The following CTNNA2 variants were observed in gnomAD, a reference collection of about 807,000 sequenced individuals.
The protein encoded by CTNNA2 is catenin alpha 2, also known as catenin alpha-2.
Under a neutral mutation model 101.0 loss-of-function variants are expected in CTNNA2, and 42 were observed. The observed-to-expected ratio is 0.42, with a 90% CI of 0.32 to 0.54. CTNNA2 has a LOEUF of 0.54. Among genes scored for constraint, CTNNA2 ranks in the 20% least tolerant of loss-of-function variants. The probability of loss-of-function intolerance (pLI) is 0.14; values close to 1 mark genes in which losing one functional copy is unlikely to be tolerated. For missense variants in CTNNA2, 871 were observed against 1,223.1 expected (o/e 0.71, Z 4.29); for synonymous variants, 450 against 456.4 (o/e 0.99, Z 0.18).
chr2:79,427,960 A>G (rs1223087213), intron 4 of CTNNA2, among the ~76,000 whole-genome samples: 1 of 152,140 alleles, frequency 6.6e-6, no homozygotes, highest in Non-Finnish European at 1.5e-5. Context: ...ACAGTTCTAC[A>G]TCTGACATCA....
intron 1 of CTNNA2, among the ~76,000 whole-genome samples, chr2:79,555,129 A>G (rs1003614541): frequency 6.6e-6 from 1 of 152,170 alleles, no homozygotes; most frequent in African/African-American, 2.4e-5. Flanking sequence ...TGTGGGTCCT[A>G]TTTTTATGCA....
At chr2:80,092,438 T>G (rs1221092747) in intron 7 of CTNNA2, among the ~76,000 whole-genome samples, 3 of 152,104 alleles carry the variant, frequency 2.0e-5, no homozygotes, top group Non-Finnish European at 4.4e-5. Flanking sequence ...TTTCCCATGT[T>G]CTCAAGCTTT....
At chr2:79,613,742 A>G (rs1266452045) in intron 1 of CTNNA2, among the ~76,000 whole-genome samples, 1 of 152,088 alleles carries the variant, frequency 6.6e-6, no homozygotes, top group Non-Finnish European at 1.5e-5. Flanking sequence ...AAAGTCTCCA[A>G]CTCCTGATCT....
chr2:79,560,964 T>G (rs952661932), intron 1 of CTNNA2, among the ~76,000 whole-genome samples: 1 of 151,926 alleles, frequency 6.6e-6, no homozygotes, highest in Non-Finnish European at 1.5e-5. Context: ...AATTCACCCT[T>G]TTAAAGTGTA....
intron 3 of CTNNA2, among the ~76,000 whole-genome samples, chr2:79,849,204 C>T (rs1330297833): frequency 1.3e-5 from 2 of 151,876 alleles, no homozygotes; most frequent in Non-Finnish European, 2.9e-5. Flanking sequence ...ACCATGGAGC[C>T]CACTACCCTT....
intron 2 of CTNNA2, among the ~76,000 whole-genome samples, chr2:79,242,174 G>T (rs966478845): frequency 6.6e-6 from 1 of 152,030 alleles, no homozygotes; most frequent in African/African-American, 2.4e-5. Context: ...CCAAAGTGCT[G>T]GGATTATAGG....
chr2:80,384,639 A>G (rs1391284135), intron 7 of CTNNA2, among the ~76,000 whole-genome samples: 1 of 151,586 alleles, frequency 6.6e-6, no homozygotes, highest in Non-Finnish European at 1.5e-5. Context: ...GAGGAACAGT[A>G]TGAATCCTTA....
rs754066010 is a variant in CTNNA2 at position 79,855,687 on chromosome 2, A to T, written c.299-2326A>T. ...CCTACTTTTAACCATGCTAGGGCTCATACCGATTTCACCTGCAGGAACTGG... is the reference window on the plus strand; with the variant it reads ...CCTACTTTTAACCATGCTAGGGCTCTTACCGATTTCACCTGCAGGAACTGG... On this transcript the variant is annotated intron_variant, in intron 3 of 18. Transcript: ENST00000402739. Among the ~76,000 whole-genome samples the T allele has an allele frequency of 2.0e-5, 3 of 152,266 alleles. No individual in the cohort carries two copies. In the South Asian group the frequency reaches 6.2e-4, roughly 32 times the overall value.
chr2:80,499,327 A>G (rs770759253), intron 9 of CTNNA2, among the ~76,000 whole-genome samples: 2 of 152,180 alleles, frequency 1.3e-5, no homozygotes, highest in Non-Finnish European at 2.9e-5. Context: ...CAGTGAACTT[A>G]GTGGATGTAT....
intron 7 of CTNNA2, among the ~76,000 whole-genome samples, chr2:79,967,003 G>T (rs1318665607): frequency 6.6e-6 from 1 of 151,966 alleles, no homozygotes; most frequent in African/African-American, 2.4e-5. Context: ...AGCAGGTCCT[G>T]TCTATTTGTT....
Position 80,277,553 on chromosome 2 carries a change from G to GAAAAAAAAAAAAAAAAAAAAAA in CTNNA2, c.1057-115638_1057-115637insAAAAAAAAAAAAAAAAAAAAAA, listed in dbSNP as rs10650278. ...AGGAGAGACTCAGGGAAGGATTTCT[G>GAAAAAAAAAAAAAAAAAAAAAA]AAAAAAAAAAAAAAAAAAAATGGAC... On this transcript the variant is annotated intron_variant, in intron 7 of 18. Transcript: ENST00000402739. Among the ~76,000 whole-genome samples the GAAAAAAAAAAAAAAAAAAAAAA allele has an allele frequency of 4.8e-5, 4 of 83,826 alleles. 2 individuals carry two copies. Among genetic ancestry groups the GAAAAAAAAAAAAAAAAAAAAAA allele is most frequent in the African/African-American group, 9.2e-5 (2 of 21,762 alleles). The allele number at this position is 83,826 out of a possible 152,430, so 55.0% of individuals were successfully genotyped here. A position where few individuals can be genotyped will look rare whatever the true frequency, so the allele number is the denominator to read the frequency against.
intron 17 of CTNNA2, among the ~76,000 whole-genome samples, chr2:80,617,764 G>A (rs1035546762): frequency 9.2e-5 from 14 of 151,802 alleles, no homozygotes; most frequent in Non-Finnish European, 1.8e-4. Flanking sequence ...ATACACTTAT[G>A]TATTTAGTAC....
chr2:80,396,975 G>A (rs1021754505), intron 8 of CTNNA2, among the ~76,000 whole-genome samples: 2 of 152,168 alleles, frequency 1.3e-5, no homozygotes, highest in Non-Finnish European at 2.9e-5. Flanking sequence ...ATTAGGGTGA[G>A]TACTTAGAAT....
chr2:79,647,093 G>A (rs141711811), intron 1 of CTNNA2, among the ~76,000 whole-genome samples: 3 of 152,164 alleles, frequency 2.0e-5, no homozygotes, highest in East Asian at 3.9e-4. Context: ...GCAAACAGAC[G>A]GTATTAATTG....
intron 3 of CTNNA2, among the ~76,000 whole-genome samples, chr2:79,824,649 A>G (rs1327607214): frequency 1.5e-5 from 2 of 131,580 alleles, no homozygotes; most frequent in African/African-American, 5.2e-5. Context: ...CTTACACAAG[A>G]TATTTTTTAA....
intron 18 of CTNNA2, among the ~76,000 whole-genome samples, chr2:80,622,284 T>A (rs938370579): frequency 2.0e-5 from 3 of 151,780 alleles, no homozygotes; most frequent in African/African-American, 7.3e-5. Context: ...GCCACAACTA[T>A]GCAAGAGAAA....
intron 2 of CTNNA2, among the ~76,000 whole-genome samples, chr2:79,240,171 G>C (rs1474973552): frequency 6.6e-6 from 1 of 150,804 alleles, no homozygotes; most frequent in East Asian, 1.9e-4. Context: ...GCCTCCTAAA[G>C]TGCTGGGATT....
At chr2:80,285,261 T>G (rs1014149747) in intron 7 of CTNNA2, among the ~76,000 whole-genome samples, 2 of 152,174 alleles carry the variant, frequency 1.3e-5, no homozygotes, top group African/African-American at 4.8e-5. Flanking sequence ...CACTGGTATC[T>G]CTCTTATTGA....
intron 7 of CTNNA2, among the ~76,000 whole-genome samples, chr2:79,989,349 G>A (rs550353008): frequency 1.2e-4 from 18 of 152,292 alleles, no homozygotes; most frequent in Admixed American, 7.2e-4. Flanking sequence ...TAGGCTGGGC[G>A]CAGTGGCTCA....
Sources: gnomAD v4.1 joint callset for allele counts (sites outside exome capture counted in the v4.1 genomes callset) on GRCh38, gnomAD v4.1.1 for gene constraint, MANE v1.5 for transcripts, NCBI Gene and HGNC (gene_info 2026-07-23, HGNC 2026-07-21) for gene names.